The following CREBRF variants were observed in gnomAD, a reference collection of about 807,000 sequenced individuals.
The protein encoded by CREBRF is UPF0474 protein C5orf41.
CREBRF carries 5 observed loss-of-function variants against 66.1 expected under a neutral mutation model. The ratio of observed to expected loss-of-function variants is 0.08; its 90% CI spans 0.04 to 0.16. The LOEUF is 0.16. Among genes scored for constraint, CREBRF ranks in the 10% least tolerant of loss-of-function variants. CREBRF has a pLI of 1.00. For missense variants in CREBRF, 531 were observed against 744.9 expected, an observed-to-expected ratio of 0.71 and a Z score of 3.34; for synonymous variants, 229 against 264.4, an observed-to-expected ratio of 0.87 and a Z score of 1.30.
intron 1 of CREBRF, among the ~76,000 whole-genome samples, chr5:173,064,106 CAT>C (rs1228116233): frequency 2.6e-5 from 4 of 151,896 alleles, no homozygotes; most frequent in Admixed American, 2.6e-4. Flanking sequence ...TCTTGTTGTA[CAT>C]ATGTTTTCTT....
rs191116662 is a variant in CREBRF, at chr5:173,061,191, C to T, written c.-192+4712C>T. ...CTGTGTTGGCCAGGCTGGTCTCAATCTCCTGACCTCCTGATCTGCCCGCCT... is the reference window on the plus strand; with the variant it reads ...CTGTGTTGGCCAGGCTGGTCTCAATTTCCTGACCTCCTGATCTGCCCGCCT... On this transcript the variant is annotated intron_variant, in intron 1 of 8. Transcript: ENST00000296953. 1.9e-4 allele frequency among the ~76,000 whole-genome samples: 29 copies of T among 152,336 alleles called. No homozygotes were observed. In the East Asian group the frequency reaches 5.2e-3, roughly 27 times the overall value.
chr5:173,118,394 T>G (rs1289754357), intron 7 of CREBRF, among the ~76,000 whole-genome samples: 2 of 152,236 alleles, frequency 1.3e-5, no homozygotes, highest in African/African-American at 4.8e-5. Context: ...TCATGATGTT[T>G]TGTGTTGTAA....
intron 1 of CREBRF, among the ~76,000 whole-genome samples, chr5:173,069,417 G>A (rs1014281397): frequency 1.3e-5 from 2 of 151,696 alleles, no homozygotes; most frequent in Admixed American, 6.6e-5. Flanking sequence ...TCTACCTCCC[G>A]GGTTCAAGCA....
intron 4 of CREBRF, among the ~76,000 whole-genome samples, chr5:173,099,094 T>A (rs1758550668): frequency 6.6e-6 from 1 of 152,186 alleles, no homozygotes; most frequent in Non-Finnish European, 1.5e-5. Context: ...GCCAGCTCTG[T>A]CCTTTTTGGT....
chr5:173,059,261 T>C (rs1215305183), intron 1 of CREBRF, among the ~76,000 whole-genome samples: 4 of 100,058 alleles, frequency 4.0e-5, no homozygotes, highest in Middle Eastern at 6.8e-3. Flanking sequence ...TTTTTCTTTT[T>C]TTTCTTTTTT....
chr5:173,104,321 C>G (rs889397560), intron 4 of CREBRF, among the ~76,000 whole-genome samples: 19 of 151,856 alleles, frequency 1.3e-4, no homozygotes, highest in African/African-American at 4.6e-4. Flanking sequence ...ACCCTAGATT[C>G]AAGACCAGTG....
chr5:173,062,246 A>G (rs1757292648), intron 1 of CREBRF, among the ~76,000 whole-genome samples: 2 of 152,180 alleles, frequency 1.3e-5, no homozygotes, highest in African/African-American at 2.4e-5. Flanking sequence ...CCATTAAACT[A>G]TGAGCTCCTT....
chr5:173,056,928 A>T (rs1039855176), intron 1 of CREBRF, among the ~76,000 whole-genome samples: 1 of 121,704 alleles, frequency 8.2e-6, no homozygotes, highest in Non-Finnish European at 1.8e-5. Context: ...GCGGGGGAGG[A>T]GGGGAGAGAG....
chr5:173,068,955 C>T (rs569529325), intron 1 of CREBRF, among the ~76,000 whole-genome samples: 4 of 151,900 alleles, frequency 2.6e-5, no homozygotes, highest in Admixed American at 2.0e-4. Flanking sequence ...ACCTGTAGTC[C>T]CAGCTACTCA....
rs113613158 is a variant in CREBRF at position 173,108,383 on chromosome 5, G to C, written c.1223-241G>C. On this transcript the variant is annotated intron_variant, in intron 4 of 8. Coordinates refer to ENST00000296953, the MANE Select transcript of CREBRF (RefSeq NM_153607.3). ...TATACTAACTTATAAAAACTAAAAA[G>C]AAACCCAAGGAAGATGAACAGTGTA... 3.5e-3 allele frequency among the ~76,000 whole-genome samples: 533 copies of C among 152,120 alleles called. 2 individuals carry two copies. The highest frequency in any genetic ancestry group is 0.012 in the African/African-American group (495 of 41,500).
chr5:173,065,181 A>C (rs532815816), intron 1 of CREBRF, among the ~76,000 whole-genome samples: 1 of 152,278 alleles, frequency 6.6e-6, no homozygotes, highest in South Asian at 2.1e-4. Context: ...CTGCCTGGGG[A>C]AAGTTGAATA....
At chr5:173,101,112 A>G (rs968137291) in intron 4 of CREBRF, among the ~76,000 whole-genome samples, 1 of 152,068 alleles carries the variant, frequency 6.6e-6, no homozygotes, top group African/African-American at 2.4e-5. Context: ...CTCAGGCTAG[A>G]GTGCAATGGC....
At position 173,127,765 on chromosome 5, in the gene CREBRF, A is replaced by G. The variant is rs1759310316; in HGVS notation, c.1804+4563A>G. 2.0e-5 allele frequency among the ~76,000 whole-genome samples: 3 copies of G among 151,740 alleles called. No homozygotes were observed. The South Asian group carries it at 6.2e-4, about 32-fold the overall frequency. ...GAGCCACTGCGCCTGGCCTGAGTTT[A>G]TTTTTCTTAAAGGTAATTTCTCTGT... On this transcript the variant is annotated intron_variant, in intron 8 of 8. Coordinates refer to ENST00000296953, the MANE Select transcript of CREBRF (RefSeq NM_153607.3).
At chr5:173,072,893 G>T (rs1757639797) in intron 1 of CREBRF, among the ~76,000 whole-genome samples, 1 of 152,186 alleles carries the variant, frequency 6.6e-6, no homozygotes, top group Non-Finnish European at 1.5e-5. Flanking sequence ...TAAGTGATCT[G>T]TACATCTTTG....
intron 7 of CREBRF, among the ~76,000 whole-genome samples, chr5:173,118,386 A>G (rs539332669): frequency 2.0e-5 from 3 of 152,126 alleles, no homozygotes; most frequent in African/African-American, 7.2e-5. Context: ...TTAATATTTC[A>G]TGATGTTTTG....
In CREBRF at chr5:173,104,516, C is replaced by CA. The variant is rs549567627; in HGVS notation, c.1223-4102dup. On this transcript the variant is annotated intron_variant, in intron 4 of 8. Transcript: ENST00000296953. ...CAACATAGGGAGACTCCTGTCTCTACAAAAAATACAAAAATTAGCCCAGTG... is the reference window on the plus strand; with the variant it reads ...CAACATAGGGAGACTCCTGTCTCTACAAAAAAATACAAAAATTAGCCCAGTG... 1.4e-4 allele frequency among the ~76,000 whole-genome samples: 22 copies of CA among 152,040 alleles called. No homozygotes were observed. In the East Asian group the frequency reaches 3.9e-3, roughly 27 times the overall value.
chr5:173,104,237 A>C (rs1350965215), intron 4 of CREBRF, among the ~76,000 whole-genome samples: 1 of 152,236 alleles, frequency 6.6e-6, no homozygotes, highest in Non-Finnish European at 1.5e-5. Context: ...ACCTGACTAC[A>C]GAATTCACTT....
In CREBRF at chr5:173,102,605, C is replaced by T. The variant is rs189666786; in HGVS notation, c.1223-6019C>T. Among the ~76,000 whole-genome samples the T allele has an allele frequency of 3.9e-5, 6 of 152,168 alleles. No homozygotes were observed. In the East Asian group the frequency reaches 7.7e-4, roughly 20 times the overall value. ...AAACCTGGGTCCATAGGAGCTGAAC[C>T]GGCAGTGGGGTGGGCTTTGAGTCTG... On this transcript the variant is annotated intron_variant, in intron 4 of 8. Coordinates refer to ENST00000296953, the MANE Select transcript of CREBRF (RefSeq NM_153607.3).
intron 4 of CREBRF, among the ~76,000 whole-genome samples, chr5:173,096,513 C>G (rs1581685143): frequency 7.3e-6 from 1 of 137,456 alleles, no homozygotes; most frequent in Non-Finnish European, 1.6e-5. Flanking sequence ...CTCCTCTCCC[C>G]TCTTGCCCCT....
Sources: allele counts gnomAD v4.1 joint callset (sites outside exome capture counted in the v4.1 genomes callset), GRCh38; gene constraint gnomAD v4.1.1; transcripts MANE v1.5; gene names NCBI Gene and HGNC (gene_info 2026-07-23, HGNC 2026-07-21).